The following TPR variants were observed in gnomAD, a reference collection of about 807,000 sequenced individuals.
TPR encodes nucleoprotein TPR.
TPR carries 51 observed loss-of-function variants against 316.1 expected under a neutral mutation model. The observed-to-expected ratio is 0.16, with a 90% confidence interval of 0.13 to 0.20. The LOEUF is 0.20. Ranked by LOEUF, TPR falls within the 10% of genes least tolerant of loss-of-function variation. The probability of loss-of-function intolerance (pLI) is 1.00; values close to 1 mark genes in which losing one functional copy is unlikely to be tolerated. For missense variants in TPR, 2,272 were observed against 2,754.8 expected (o/e 0.82, Z 3.92); for synonymous variants, 981 against 914.7 (o/e 1.07, Z -1.31).
intron 40 of TPR, 95 bp from the exon 41 acceptor site, chr1:186,326,330 A>G (rs1280533702): frequency 1.3e-6 from 2 of 1,510,910 alleles, no homozygotes; most frequent in Non-Finnish European, 1.8e-6. Flanking sequence ...TAAGTGACTC[A>G]TTAATCAGAA....
intron 30 of TPR, among the ~76,000 whole-genome samples, chr1:186,339,163 C>G (rs779138839): frequency 9.9e-5 from 15 of 152,086 alleles, no homozygotes; most frequent in Non-Finnish European, 1.9e-4. Flanking sequence ...GGCATGATGG[C>G]TCATGCCTGT....
chr1:186,374,488 A>G (rs1310397479), intron 1 of TPR, among the ~76,000 whole-genome samples: 1 of 152,240 alleles, frequency 6.6e-6, no homozygotes, highest in Admixed American at 6.5e-5. Flanking sequence ...TCAATTTGGC[A>G]AAGGCCTAGA....
At chr1:186,320,506 A>G in intron 45 of TPR, 88 bp from the exon 46 acceptor site, 1 of 1,072,218 alleles carries the variant, frequency 9.3e-7, no homozygotes, top group African/African-American at 1.6e-5. Flanking sequence ...AGAAGGAAGA[A>G]TGAACATCAA....
intron 7 of TPR, 142 bp from the exon 8 acceptor site, chr1:186,362,011 G>T: frequency 1.4e-6 from 1 of 711,498 alleles, no homozygotes; most frequent in Non-Finnish European, 2.2e-6. Flanking sequence ...TCATGACAAA[G>T]ATAAATTAAG....
chr1:186,371,159 A>G, intron 2 of TPR, 116 bp from the exon 3 acceptor site: 1 of 815,346 alleles, frequency 1.2e-6, no homozygotes, highest in East Asian at 2.6e-5. Flanking sequence ...AAGCCCAGAA[A>G]GACTGCATTG....
intron 3 of TPR, 47 bp from the exon 4 acceptor site, chr1:186,368,029 C>A: frequency 7.3e-7 from 1 of 1,378,148 alleles, no homozygotes; most frequent in Admixed American, 1.8e-5. Flanking sequence ...TAGAGCAATA[C>A]AGGAAAGCGA....
At chr1:186,330,846 A>AATAAT (rs1410272761) in intron 39 of TPR, among the ~76,000 whole-genome samples, 1 of 152,158 alleles carries the variant, frequency 6.6e-6, no homozygotes, top group African/African-American at 2.4e-5. Flanking sequence ...AAAGGAAAGT[A>AATAAT]ATAATATTCT....
intron 14 of TPR, chr1:186,356,655 T>C: frequency 2.3e-6 from 1 of 440,754 alleles, no homozygotes; most frequent in Non-Finnish European, 4.0e-6. Context: ...ACCAATGCAA[T>C]CTGAAAAATT....
rs772325391 is a variant in TPR at position 186,357,498 on chromosome 1, T to C, written c.1623A>G (p.Arg541=). The C allele has an allele frequency of 2.5e-6, 4 of 1,614,048 alleles. No individual in the cohort carries two copies. The highest frequency in any genetic ancestry group is 1.7e-5 in the Admixed American group (1 of 59,998). ...EVISQHLVSY[R]NIEELQQQNQ... is the part of the protein sequence containing the mutation. ...TTTGTTGTTGAAGCTCTTCAATATT[T>C]CTGTAAGATACTAGATGCTGTGATA... The change falls in exon 14 of 51, where the codon AGA becomes AGG. Residue 541 remains arginine, a synonymous_variant. Transcript: ENST00000367478.
Position 186,313,025 on chromosome 1 carries a change from T to A in TPR, c.*946A>T. On this transcript the variant is annotated 3_prime_UTR_variant, in exon 51 of 51. Transcript: ENST00000367478. ...ACTACGGTACTTATTCTAATTGCTG[T>A]GGAAAAGAGTTAAGACTTTTGCTTT... is the stretch of plus-strand genomic sequence containing the variant. The A allele has an allele frequency of 1.0e-6, 1 of 986,380 alleles. No individual in the cohort carries two copies. Among genetic ancestry groups the A allele is most frequent in the Non-Finnish European group, 1.6e-6 (1 of 638,914 alleles). The allele number at this position is 986,380 out of a possible 1,614,324, so 61.1% of individuals were successfully genotyped here. A position where few individuals can be genotyped will look rare whatever the true frequency, so the allele number is the denominator to read the frequency against.
Position 186,325,651 on chromosome 1 carries a change from C to G in TPR, c.6112+113G>C, listed in dbSNP as rs73046515. 3 of 813,404 alleles carry G rather than the reference C, an allele frequency of 3.7e-6. No individual in the cohort carries two copies. The South Asian group carries it at 6.7e-5, about 18-fold the overall frequency. The allele number at this position is 813,404 out of a possible 1,614,324, so 50.4% of individuals were successfully genotyped here. On this transcript the variant is annotated intron_variant, in intron 42 of 50. Coordinates refer to ENST00000367478, the MANE Select transcript of TPR (RefSeq NM_003292.3). ...AACAGTCACAAAGCTAGAACAGGGG[C>G]CAATCTCTTTTTACCAATTCAATAA...
chr1:186,329,646 A>T (rs943016806), intron 39 of TPR, among the ~76,000 whole-genome samples: 1 of 152,124 alleles, frequency 6.6e-6, no homozygotes, highest in African/African-American at 2.4e-5. Flanking sequence ...TTGGCACCTA[A>T]AAAGTTTTGA....
In TPR at chr1:186,326,203, A is replaced by T. The variant is rs376114525; in HGVS notation, c.5922T>A (p.Asp1974Glu). Residue 1974 changes from aspartate to glutamate, a missense_variant, in exon 41 of 51, where the codon GAT becomes GAA. Physicochemically the swap from Asp to Glu is conservative, Grantham distance 45. Transcript: ENST00000367478. ...DYEEDEEDDD[D>E]DEDDTGMGDE... is the part of the protein sequence containing the mutation. The stretch of plus-strand genomic sequence containing the variant: ...CTCCCATCCCTGTGTCATCTTCATC[A>T]TCATCATCATCTTCCTCATCCTCTT... The T allele has an allele frequency of 5.6e-6, 9 of 1,610,952 alleles. No individual in the cohort carries two copies. In the Admixed American group the frequency reaches 1.5e-4, roughly 27 times the overall value.
rs1658826530 is a variant in TPR, at chr1:186,350,472, C to T, written c.2611-84G>A. 4 of 1,072,210 alleles carry T rather than the reference C, an allele frequency of 3.7e-6. No individual in the cohort carries two copies. The African/African-American group carries it at 4.9e-5, about 13-fold the overall frequency. The allele number at this position is 1,072,210 out of a possible 1,614,324, so 66.4% of individuals were successfully genotyped here. ...ACTATCTTTTTATAGACCTTTGGAG[C>T]TCGGCCAAGAGAGTAACAGAAAACA... On this transcript the variant is annotated intron_variant, in intron 20 of 50. Coordinates refer to ENST00000367478, the MANE Select transcript of TPR (RefSeq NM_003292.3).
At chr1:186,315,885 C>T (rs1657597214) in intron 49 of TPR, among the ~76,000 whole-genome samples, 1 of 145,750 alleles carries the variant, frequency 6.9e-6, no homozygotes, top group Non-Finnish European at 1.5e-5. Flanking sequence ...GTATGCTCTT[C>T]ATTAAGTAAC....
At chr1:186,361,894 C>T (rs772550170) in intron 7 of TPR, 25 bp from the exon 8 acceptor site, 3 of 1,606,308 alleles carry the variant, frequency 1.9e-6, no homozygotes, top group Non-Finnish European at 2.6e-6. Flanking sequence ...CCAATTATAG[C>T]AGTCTACTTT....
chr1:186,365,141 G>A (rs1339236766), intron 4 of TPR, among the ~76,000 whole-genome samples: 2 of 134,856 alleles, frequency 1.5e-5, no homozygotes, highest in Admixed American at 1.7e-4. Flanking sequence ...TATCCCCCTA[G>A]CTGGAGTGTA....
intron 39 of TPR, among the ~76,000 whole-genome samples, chr1:186,328,760 A>G (rs1023624532): frequency 1.4e-4 from 21 of 152,302 alleles, no homozygotes; most frequent in East Asian, 5.8e-4. Flanking sequence ...TCAAACCAAA[A>G]TAAATATATC....
chr1:186,353,648 C>T (rs773022849), intron 18 of TPR, 40 bp downstream of exon 18: 10 of 1,586,084 alleles, frequency 6.3e-6, no homozygotes, highest in Middle Eastern at 1.7e-4. Flanking sequence ...ATGTCAAATG[C>T]AACTTATAAT....
Sources: allele counts gnomAD v4.1 joint callset (sites outside exome capture counted in the v4.1 genomes callset), GRCh38; gene constraint gnomAD v4.1.1; transcripts MANE v1.5; gene names NCBI Gene and HGNC (gene_info 2026-07-23, HGNC 2026-07-21).